RGS22: variants seen among roughly 807,000 people sequenced by gnomAD.
RGS22 encodes regulator of G protein signaling 22.
RGS22 carries 148 observed loss-of-function variants against 172.9 expected under a neutral mutation model. The observed-to-expected ratio is 0.86, with a 90% CI of 0.75 to 0.98. RGS22 has a LOEUF of 0.98. RGS22 is among the 50% of genes least tolerant of loss of function. The pLI is 0.00. For synonymous variants in RGS22, 458 were observed against 480.2 expected (o/e 0.95, Z 0.60); for missense variants, 1,347 against 1,440.8 (o/e 0.93, Z 1.05).
At chr8:100,105,117 GAAATT>G (rs2132082701) in intron 2 of RGS22, among the ~76,000 whole-genome samples, 1 of 152,294 alleles carries the variant, frequency 6.6e-6, no homozygotes, top group African/African-American at 2.4e-5. Flanking sequence ...AGAGTTTAGA[GAAATT>G]AAATGAGGCC....
chr8:100,103,220 A>G (rs777085239), intron 2 of RGS22, among the ~76,000 whole-genome samples: 9 of 152,232 alleles, frequency 5.9e-5, no homozygotes, highest in African/African-American at 9.6e-5. Context: ...AGGAGCTTGA[A>G]TTTTATGCTT....
At chr8:100,059,701 C>T (rs1303866542) in intron 9 of RGS22, among the ~76,000 whole-genome samples, 1 of 152,126 alleles carries the variant, frequency 6.6e-6, no homozygotes, top group Admixed American at 6.5e-5. Context: ...CTGGAGACTT[C>T]AACCTCTGAC....
At chr8:100,044,367 C>T (rs1586100338) in intron 11 of RGS22, among the ~76,000 whole-genome samples, 1 of 152,250 alleles carries the variant, frequency 6.6e-6, no homozygotes, top group East Asian at 1.9e-4. Flanking sequence ...CTGCATCAGC[C>T]TCCCGAGTAG....
Position 100,072,193 on chromosome 8 carries a change from T to C in RGS22, c.377A>G (p.Lys126Arg), listed in dbSNP as rs1162114260. ...TTCCAGAAATGCTGGAAGTCTTTCT[T>C]TTTTGATCCACTTAATACCTTCTTC... ...SREEGIKWIK[K>R]ERLPAFLESD... The change falls in exon 5 of 28, where the codon AAA becomes AGA. Residue 126 changes from lysine (K) to arginine (R), a missense_variant. Coordinates refer to ENST00000360863, the MANE Select transcript of RGS22 (RefSeq NM_015668.5). The C allele has an allele frequency of 1.2e-6, 2 of 1,605,392 alleles. No homozygotes were observed. Among genetic ancestry groups the C allele is most frequent in the East Asian group, 4.5e-5 (2 of 44,682 alleles).
rs932703758 is a variant in RGS22 at position 100,063,906 on chromosome 8, G to T, written c.862C>A (p.Gln288Lys). 5 of 1,608,576 alleles carry T rather than the reference G, an allele frequency of 3.1e-6. No homozygotes were observed. Among genetic ancestry groups the T allele is most frequent in the Middle Eastern group, 1.7e-4 (1 of 6,038 alleles). ...TCAAGGTATACTCTCAGAAGAGCTT[G>T]AGAAGGAGTGTCTTGTAGAGATACA... The part of the protein sequence containing the change: ...VSVSLQDTPS[Q>K]ALLRVYLEKK... Residue 288 changes from glutamine (Q) to lysine (K), a missense_variant, in exon 8 of 28, where the codon CAA (glutamine) becomes AAA (lysine). Transcript: ENST00000360863.
intron 27 of RGS22, among the ~76,000 whole-genome samples, chr8:99,961,480 C>T (rs1212422217): frequency 6.6e-6 from 1 of 152,144 alleles, no homozygotes; most frequent in Non-Finnish European, 1.5e-5. Flanking sequence ...CCCCCTTTTG[C>T]TTGGCACTTC....
intron 6 of RGS22, among the ~76,000 whole-genome samples, chr8:100,068,276 T>C (rs781467519): frequency 1.1e-4 from 16 of 152,118 alleles, no homozygotes; most frequent in South Asian, 6.2e-4. Context: ...TAGTCCCAGC[T>C]GGGAGGCTGA....
chr8:100,094,335 ATATGACACAATGCTAT>A (rs112077003), intron 2 of RGS22, among the ~76,000 whole-genome samples: 24,135 of 152,138 alleles, frequency 0.16, 2,514 homozygotes, highest in African/African-American at 0.29. Context: ...AAAGTTCACA[ATATGACACAATGCTAT>A]TATTTCCATA....
intron 3 of RGS22, among the ~76,000 whole-genome samples, chr8:100,082,072 G>T (rs1054382908): frequency 6.6e-6 from 1 of 151,964 alleles, no homozygotes; most frequent in Non-Finnish European, 1.5e-5. Context: ...AATTAGGAGG[G>T]GCTATTGATA....
chr8:100,078,569 C>T (rs1278740691), intron 4 of RGS22, among the ~76,000 whole-genome samples: 5 of 151,724 alleles, frequency 3.3e-5, no homozygotes, highest in Non-Finnish European at 7.4e-5. Context: ...TTTCTGTCTG[C>T]TTTCCATTTA....
rs1810336969 is a variant in RGS22 at position 100,063,812 on chromosome 8, T to C, written c.956A>G (p.Tyr319Cys). 6.2e-6 allele frequency: 10 copies of C among 1,610,208 alleles called. No homozygotes were observed. The highest frequency in any genetic ancestry group is 8.5e-6 in the Non-Finnish European group (10 of 1,179,114). Residue 319 changes from tyrosine to cysteine, a missense_variant, in exon 8 of 28, where the codon TAT becomes TGT. Coordinates refer to ENST00000360863, the MANE Select transcript of RGS22 (RefSeq NM_015668.5). ...TGCTCCTCTCAAAATAAAGTATATA[T>C]AGGAGCTTAAAAATTCTTCACATGT... is the stretch of plus-strand genomic sequence containing the variant. ...FSTCEEFLSS[Y>C]IYFILRGAIQ...
At position 99,961,001 on chromosome 8, in the gene RGS22, T is replaced by C. The variant is rs1001879550; in HGVS notation, c.*241A>G. 3.7e-6 allele frequency: 1 copy of C among 273,918 alleles called. No individual in the cohort carries two copies. Among genetic ancestry groups the C allele is most frequent in the African/African-American group, 2.2e-5 (1 of 44,530 alleles). The allele number at this position is 273,918 out of a possible 1,614,324, so 17.0% of individuals were successfully genotyped here. A position where few individuals can be genotyped will look rare whatever the true frequency, so the allele number is the denominator to read the frequency against. ...AATAAGTTAAACAGTTCTTATAGTC[T>C]TGTATGTCATGTGTACAGAATAGCT... On this transcript the variant is annotated 3_prime_UTR_variant, in exon 28 of 28. Transcript: ENST00000360863.
At chr8:100,013,354 A>G (rs991840074) in intron 14 of RGS22, among the ~76,000 whole-genome samples, 4 of 152,182 alleles carry the variant, frequency 2.6e-5, no homozygotes, top group Non-Finnish European at 4.4e-5. Flanking sequence ...AATGGTGGCT[A>G]GGATAACAAT....
At position 100,093,526 on chromosome 8, in the gene RGS22, TA is replaced by T; in HGVS notation, c.55-18del. 6.6e-7 allele frequency: 1 copy of T among 1,508,916 alleles called. No individual in the cohort carries two copies. The highest frequency in any genetic ancestry group is 9.1e-7 in the Non-Finnish European group (1 of 1,095,760). 93.5% of individuals were successfully genotyped at this position (1,508,916 alleles called of 1,614,324 possible). On this transcript the variant is annotated intron_variant, in intron 2 of 27. Transcript: ENST00000360863. ...AGAATCTTCCTGCAAAAAAAAAACA[TA>T]AAAACACAGTATTATAATTATACAT...
At chr8:100,028,121 T>A (rs1563635915) in intron 14 of RGS22, among the ~76,000 whole-genome samples, 1 of 152,172 alleles carries the variant, frequency 6.6e-6, no homozygotes, top group Non-Finnish European at 1.5e-5. Context: ...CAGGGCCTTG[T>A]CTGTGCCTTG....
chr8:99,965,826 T>C (rs767483307), intron 23 of RGS22, among the ~76,000 whole-genome samples: 1 of 152,208 alleles, frequency 6.6e-6, no homozygotes, highest in African/African-American at 2.4e-5. Flanking sequence ...TAACTACGTT[T>C]GCTCTTTTTA....
chr8:99,981,856 C>G, intron 22 of RGS22, 81 bp downstream of exon 22: 1 of 1,350,802 alleles, frequency 7.4e-7, no homozygotes, highest in East Asian at 2.5e-5. Flanking sequence ...GCCACCACGC[C>G]TGGCCCAAAA....
At position 100,071,530 on chromosome 8, in the gene RGS22, T is replaced by C; in HGVS notation, c.433A>G (p.Lys145Glu). 1 of 1,593,566 alleles carries C rather than the reference T, an allele frequency of 6.3e-7. No homozygotes were observed. The highest frequency in any genetic ancestry group is 1.2e-5 in the South Asian group (1 of 86,582). ...SDCYFEYRLA[K>E]LVSQVRWSKS... is the part of the protein sequence containing the mutation. ...CTCCATCTTACTTGTGAGACCAATT[T>C]GGCTAACCTGCATTTTAGAAATCAT... Residue 145 changes from lysine (K) to glutamate (E), a missense_variant, in exon 6 of 28, where the codon AAA becomes GAA. By Grantham distance (56) the Lys-to-Glu change is moderately conservative. Coordinates refer to ENST00000360863, the MANE Select transcript of RGS22 (RefSeq NM_015668.5).
chr8:100,078,135 A>G (rs985095686), intron 4 of RGS22, among the ~76,000 whole-genome samples: 1 of 152,154 alleles, frequency 6.6e-6, no homozygotes, highest in Non-Finnish European at 1.5e-5. Context: ...AGTTTCTTGT[A>G]GACAGCAAAT....
Sources: gnomAD v4.1 joint callset for allele counts (sites outside exome capture counted in the v4.1 genomes callset) on GRCh38, gnomAD v4.1.1 for gene constraint, MANE v1.5 for transcripts, NCBI Gene and HGNC (gene_info 2026-07-23, HGNC 2026-07-21) for gene names.